AASDH: variants seen among roughly 807,000 people sequenced by gnomAD.
AASDH encodes the protein aminoadipate-semialdehyde dehydrogenase, also known as beta-alanine-activating enzyme.
Under a neutral mutation model 102.3 loss-of-function variants are expected in AASDH, and 81 were observed. That is an observed-to-expected ratio of 0.79 (90% CI 0.66 to 0.95). The LOEUF (loss-of-function observed/expected upper bound fraction) is 0.95, where lower values mean the gene tolerates loss of function less well. AASDH is among the 40% of genes least tolerant of loss of function. The pLI is 0.00. For synonymous variants in AASDH, 398 were observed against 454.0 expected (o/e 0.88, Z 1.57); for missense variants, 1,203 against 1,266.2 (o/e 0.95, Z 0.76).
rs557521026 is a variant in AASDH at position 56,356,935 on chromosome 4, T to C, written c.862-1512A>G. 6.8e-6 allele frequency: 5 copies of C among 739,902 alleles called. No homozygotes were observed. In the South Asian group the frequency reaches 7.6e-5, roughly 11 times the overall value. 45.8% of individuals were successfully genotyped at this position (739,902 alleles called of 1,614,324 possible). On this transcript the variant is annotated intron_variant, in intron 5 of 14. Coordinates refer to ENST00000205214, the MANE Select transcript of AASDH (RefSeq NM_181806.4). ...ACCTGCCACTAAACTGGGTTAAATG[T>C]ACACTGCTGAGTTTTCTGTAAATAA...
rs79622864 is a variant in AASDH, at chr4:56,358,838, T to A, written c.862-3415A>T. On this transcript the variant is annotated intron_variant, in intron 5 of 14. Transcript: ENST00000205214. Reference sequence around the variant, plus strand: ...TCCATATATGGCATTTGGTTGATAATGTTGTTCAAGTCTTCGATACTAGCT... The same window carrying A: ...TCCATATATGGCATTTGGTTGATAAAGTTGTTCAAGTCTTCGATACTAGCT... Among the ~76,000 whole-genome samples, 1,328 of 152,294 alleles carry A rather than the reference T, an allele frequency of 8.7e-3. 27 individuals carry two copies. Among genetic ancestry groups the A allele is most frequent in the African/African-American group, 0.03 (1,242 of 41,566 alleles).
At chr4:56,371,745 T>A in intron 4 of AASDH, 102 bp from the exon 5 acceptor site, 1 of 1,093,596 alleles carries the variant, frequency 9.1e-7, no homozygotes, top group Non-Finnish European at 1.2e-6. Flanking sequence ...TTTCTGAATG[T>A]TGGCCAGATT....
chr4:56,359,033 G>A (rs1749971282), intron 5 of AASDH, among the ~76,000 whole-genome samples: 1 of 151,818 alleles, frequency 6.6e-6, no homozygotes, highest in African/African-American at 2.4e-5. Context: ...ATATAACAAA[G>A]TACTTATTGA....
chr4:56,342,337 G>T (rs1218682732), intron 14 of AASDH, among the ~76,000 whole-genome samples: 2 of 152,082 alleles, frequency 1.3e-5, no homozygotes, highest in East Asian at 3.8e-4. Context: ...TACTCAAGGT[G>T]ATGGACACCA....
Position 56,349,847 on chromosome 4 carries a change from T to C in AASDH, c.1904A>G (p.Asp635Gly), listed in dbSNP as rs1748786878. ...GGCACAACTCTTCCTGAATGTCACA[T>C]CTTCATCTGGAACCACTGTTTGAAG... ...HILQTVVPDEDVTFRKSCATK... is the reference protein window; with the variant it reads ...HILQTVVPDEGVTFRKSCATK... The change falls in exon 11 of 15, where the codon GAT becomes GGT. Residue 635 changes from aspartate to glycine, a missense_variant. Asp to Gly is a moderately conservative substitution (Grantham distance 94, BLOSUM62 -1). Coordinates refer to ENST00000205214, the MANE Select transcript of AASDH (RefSeq NM_181806.4). 15 of 1,614,188 alleles carry C rather than the reference T, an allele frequency of 9.3e-6. No homozygotes were observed. Among genetic ancestry groups the C allele is most frequent in the Non-Finnish European group, 1.2e-5 (14 of 1,180,028 alleles).
At chr4:56,377,728 A>G (rs1336278267) in intron 4 of AASDH, among the ~76,000 whole-genome samples, 1 of 152,222 alleles carries the variant, frequency 6.6e-6, no homozygotes, top group African/African-American at 2.4e-5. Flanking sequence ...TTTACTTCTT[A>G]GGACTATTAA....
In AASDH at chr4:56,371,498, T is replaced by C; in HGVS notation, c.814A>G (p.Lys272Glu). The part of the protein sequence containing the change: ...VPTSVKLLPS[K>E]LASVLFSHHR... ...TGGGAAAAGAGAACGCTGGCTAATT[T>C]TGATGGGAGCAACTTGACGGAAGTT... Residue 272 changes from lysine to glutamate, a missense_variant, in exon 5 of 15, where the codon AAA (lysine) becomes GAA (glutamate). By Grantham distance (56) the Lys-to-Glu change is moderately conservative (BLOSUM62 1). Transcript: ENST00000205214. The C allele has an allele frequency of 2.5e-6, 4 of 1,612,972 alleles. No homozygotes were observed. The highest frequency in any genetic ancestry group is 1.7e-4 in the Middle Eastern group (1 of 6,060).
intron 13 of AASDH, 143 bp downstream of exon 13, chr4:56,343,419 C>T: frequency 3.9e-6 from 2 of 517,016 alleles, no homozygotes; most frequent in Non-Finnish European, 6.7e-6. Context: ...GATCTCATGT[C>T]AATCATTTTT....
In AASDH at chr4:56,353,621, G is replaced by A. The variant is rs752144523; in HGVS notation, c.1384-25C>T. 2.1e-5 allele frequency: 32 copies of A among 1,548,786 alleles called. No individual in the cohort carries two copies. In the African/African-American group the frequency reaches 2.9e-4, roughly 14 times the overall value. ...CCTATAAGAGAGATTATCCTAATTTGCCAATGAGGATATTTACAAACAAGC... is the reference window on the plus strand; with the variant it reads ...CCTATAAGAGAGATTATCCTAATTTACCAATGAGGATATTTACAAACAAGC... On this transcript the variant is annotated intron_variant, in intron 8 of 14. Transcript: ENST00000205214.
Position 56,355,216 on chromosome 4 carries a change from T to G in AASDH, c.1069A>C (p.Arg357=), listed in dbSNP as rs774143054. Reference sequence around the variant, plus strand: ...GAGTTAAGAGTCTTCTCTGGAATCCTATAAATGGTCGCCCAACTTGATACC... The same window carrying G: ...GAGTTAAGAGTCTTCTCTGGAATCCGATAAATGGTCGCCCAACTTGATACC... ...TEVSSWATIY[R]IPEKTLNSTL... is the part of the protein sequence containing the mutation. The change falls in exon 6 of 15, where the codon AGG becomes CGG. Residue 357 remains arginine (R), a synonymous_variant. Transcript: ENST00000205214. 1.9e-6 allele frequency: 3 copies of G among 1,613,984 alleles called. No individual in the cohort carries two copies. Among genetic ancestry groups the G allele is most frequent in the East Asian group, 2.2e-5 (1 of 44,872 alleles).
At chr4:56,339,033 G>A (rs183689950) in intron 14 of AASDH, among the ~76,000 whole-genome samples, 52 of 152,242 alleles carry the variant, frequency 3.4e-4, no homozygotes, top group Admixed American at 1.4e-3. Flanking sequence ...ATTCACTGCC[G>A]TGCATAATAA....
intron 11 of AASDH, among the ~76,000 whole-genome samples, chr4:56,347,213 G>A (rs1173514417): frequency 1.3e-5 from 2 of 152,114 alleles, no homozygotes; most frequent in African/African-American, 4.8e-5. Flanking sequence ...ACACATTGAT[G>A]GTGGAAATGC....
At chr4:56,377,886 C>T (rs1208910002) in intron 4 of AASDH, among the ~76,000 whole-genome samples, 1 of 152,150 alleles carries the variant, frequency 6.6e-6, no homozygotes, top group Non-Finnish European at 1.5e-5. Context: ...CTCACTGCAA[C>T]CTCCACCTCC....
At chr4:56,364,518 A>T (rs1750740625) in intron 5 of AASDH, among the ~76,000 whole-genome samples, 1 of 152,212 alleles carries the variant, frequency 6.6e-6, no homozygotes. Flanking sequence ...ACAGCTGATC[A>T]CTCGGCAGAA....
At chr4:56,376,405 T>C (rs896283742) in intron 4 of AASDH, among the ~76,000 whole-genome samples, 13 of 152,298 alleles carry the variant, frequency 8.5e-5, no homozygotes, top group Non-Finnish European at 1.5e-4. Context: ...TTCTAGAAAA[T>C]AACATTTGAC....
chr4:56,379,513 G>A (rs1036719259), intron 3 of AASDH, among the ~76,000 whole-genome samples: 2 of 152,060 alleles, frequency 1.3e-5, no homozygotes, highest in African/African-American at 4.8e-5. Context: ...TCAACATGAC[G>A]TTTTTGGGGA....
intron 5 of AASDH, among the ~76,000 whole-genome samples, chr4:56,368,666 C>G (rs974320372): frequency 5.9e-5 from 8 of 134,710 alleles, no homozygotes; most frequent in Non-Finnish European, 1.2e-4. Context: ...GGGAATTGAA[C>G]AGTGAGAACA....
At chr4:56,376,394 T>A (rs927796923) in intron 4 of AASDH, among the ~76,000 whole-genome samples, 3 of 152,230 alleles carry the variant, frequency 2.0e-5, no homozygotes, top group African/African-American at 7.2e-5. Context: ...TTAAAACCAG[T>A]TTCTAGAAAA....
intron 4 of AASDH, among the ~76,000 whole-genome samples, chr4:56,377,334 A>G (rs543011503): frequency 6.8e-4 from 104 of 152,272 alleles, no homozygotes; most frequent in Non-Finnish European, 1.3e-3. Flanking sequence ...GGAGATTTCT[A>G]ATCTCTTGAC....
Sources: allele counts gnomAD v4.1 joint callset (sites outside exome capture counted in the v4.1 genomes callset), GRCh38; gene constraint gnomAD v4.1.1; transcripts MANE v1.5; gene names NCBI Gene and HGNC (gene_info 2026-07-23, HGNC 2026-07-21).